Variants in FSBP observed in about 807,000 individuals in gnomAD.
FSBP encodes fibrinogen silencer binding protein.
FSBP carries 18 observed loss-of-function variants against 24.6 expected under a neutral mutation model. That is an observed-to-expected ratio of 0.73 (90% CI 0.51 to 1.08). FSBP has a LOEUF of 1.08. FSBP is among the 50% of genes least tolerant of loss of function. The pLI, the probability that FSBP is intolerant of heterozygous loss-of-function variation, is 0.00. For missense variants in FSBP, 305 were observed against 347.6 expected, an observed-to-expected ratio of 0.88 and a Z score of 0.98; for synonymous variants, 110 against 125.8, an observed-to-expected ratio of 0.87 and a Z score of 0.84.
In FSBP at chr8:94,428,619, TA is replaced by T. The variant is rs1256863321; in HGVS notation, c.*3511del. 27 of 639,416 alleles carry T rather than the reference TA, an allele frequency of 4.2e-5. No homozygotes were observed. In the Admixed American group the frequency reaches 1.7e-3, roughly 40 times the overall value. 39.6% of individuals were successfully genotyped at this position (639,416 alleles called of 1,614,324 possible). A position where few individuals can be genotyped will look rare whatever the true frequency, so the allele number is the denominator to read the frequency against. ...TCCTACCTCAGTTATACCGTCTTTT[TA>T]AATTTCGTATTACTTTTTATTGTTG... On this transcript the variant is annotated 3_prime_UTR_variant, in exon 2 of 2. Transcript: ENST00000481490.
At position 94,431,771 on chromosome 8, in the gene FSBP, C is replaced by T; in HGVS notation, c.*360G>A. ...TCCTAAATTAGACTGACTTAAAAAT[C>T]TCTAATTATAGCTTTCAAAGTTCTA... is the stretch of plus-strand genomic sequence containing the variant. On this transcript the variant is annotated 3_prime_UTR_variant, in exon 2 of 2. Coordinates refer to ENST00000481490, the MANE Select transcript of FSBP (RefSeq NM_001256141.2). 3 of 996,084 alleles carry T rather than the reference C, an allele frequency of 3.0e-6. No individual in the cohort carries two copies. Among genetic ancestry groups the T allele is most frequent in the Non-Finnish European group, 3.6e-6 (3 of 835,844 alleles). The allele number at this position is 996,084 out of a possible 1,614,324, so 61.7% of individuals were successfully genotyped here.
At chr8:94,436,250 C>T (rs1353728328) in intron 1 of FSBP, among the ~76,000 whole-genome samples, 1 of 152,092 alleles carries the variant, frequency 6.6e-6, no homozygotes, top group East Asian at 1.9e-4. Context: ...TTATTCCTCC[C>T]TAACCTTTAC....
chr8:94,430,329 T>G lies in FSBP; in HGVS notation c.*1802A>C. On this transcript the variant is annotated 3_prime_UTR_variant, in exon 2 of 2. Coordinates refer to ENST00000481490, the MANE Select transcript of FSBP (RefSeq NM_001256141.2). The stretch of plus-strand genomic sequence containing the variant: ...CCATCTCAAAAAAAAAAAAAAAAAG[T>G]ATTTAATGTAATTCATAATCTGGTA... The G allele has an allele frequency of 6.2e-6, 6 of 967,216 alleles. No individual in the cohort carries two copies. Among genetic ancestry groups the G allele is most frequent in the Non-Finnish European group, 7.4e-6 (6 of 815,472 alleles). 59.9% of individuals were successfully genotyped at this position (967,216 alleles called of 1,614,324 possible). A position where few individuals can be genotyped will look rare whatever the true frequency, so the allele number is the denominator to read the frequency against.
chr8:94,435,796 A>G (rs572674657), intron 1 of FSBP, among the ~76,000 whole-genome samples: 2 of 152,234 alleles, frequency 1.3e-5, no homozygotes, highest in South Asian at 4.1e-4. Context: ...ACTCTTTCCT[A>G]TACGACCCAA....
chr8:94,428,067 G>T lies in FSBP; in HGVS notation c.*4064C>A. ...TCTCAGGATGTCATTATAAATCACA[G>T]CTAGTTTAGAAAATCATAAGTTGTA... On this transcript the variant is annotated 3_prime_UTR_variant, in exon 2 of 2. Transcript: ENST00000481490. 1.1e-6 allele frequency: 1 copy of T among 950,008 alleles called. No homozygotes were observed. Among genetic ancestry groups the T allele is most frequent in the Non-Finnish European group, 1.3e-6 (1 of 797,798 alleles). The allele number at this position is 950,008 out of a possible 1,614,324, so 58.8% of individuals were successfully genotyped here. A position where few individuals can be genotyped will look rare whatever the true frequency, so the allele number is the denominator to read the frequency against.
chr8:94,434,184 G>GTT (rs1228201027), intron 1 of FSBP, among the ~76,000 whole-genome samples: 2 of 151,840 alleles, frequency 1.3e-5, no homozygotes, highest in Non-Finnish European at 3.0e-5. Context: ...TGAAAATTAA[G>GTT]TTTTTAAAAC....
Position 94,432,301 on chromosome 8 carries a change from G to T in FSBP, c.730C>A (p.Gln244Lys), listed in dbSNP as rs1217789532. ...TTTTTTTGATTTTCTAAAATTATCT[G>T]ATGCTCCTCTTTCAACATTTGCAGG... is the stretch of plus-strand genomic sequence containing the variant. The part of the protein sequence containing the change: ...QILQMLKEEH[Q>K]IILENQKNFG... The change falls in exon 2 of 2, where the codon CAG becomes AAG. Residue 244 changes from glutamine to lysine, a missense_variant. Physicochemically the swap from Gln to Lys is moderately conservative, Grantham distance 53 (BLOSUM62 1). Transcript: ENST00000481490. 1.9e-6 allele frequency: 3 copies of T among 1,550,102 alleles called. No individual in the cohort carries two copies. In the Admixed American group the frequency reaches 5.9e-5, roughly 30 times the overall value.
chr8:94,435,303 T>C (rs1812225784), intron 1 of FSBP, among the ~76,000 whole-genome samples: 1 of 152,118 alleles, frequency 6.6e-6, no homozygotes, highest in East Asian at 1.9e-4. Flanking sequence ...TTTTTTACTG[T>C]GCTATCAAGT....
Position 94,432,537 on chromosome 8 carries a change from G to A in FSBP, c.494C>T (p.Pro165Leu), listed in dbSNP as rs1273492251. 1.9e-6 allele frequency: 3 copies of A among 1,550,398 alleles called. No individual in the cohort carries two copies. The highest frequency in any genetic ancestry group is 3.9e-5 in the Admixed American group (2 of 50,952). Reference protein sequence around the residue: ...KQEEDIKPPPPLVLNSQQSDT... With the variant: ...KQEEDIKPPPLLVLNSQQSDT... ...ACTCTGTTGAGAATTTAAAACCAGT[G>A]GAGGAGGTGGTTTAATGTCTTCTTC... Residue 165 changes from proline to leucine, a missense_variant, in exon 2 of 2, where the codon CCA becomes CTA. Transcript: ENST00000481490.
rs1287680475 is a variant in FSBP at position 94,432,453 on chromosome 8, G to A, written c.578C>T (p.Ser193Leu). The A allele has an allele frequency of 9.0e-6, 14 of 1,550,458 alleles. No homozygotes were observed. The highest frequency in any genetic ancestry group is 1.2e-5 in the South Asian group (1 of 84,036). Residue 193 changes from serine to leucine, a missense_variant, in exon 2 of 2, where the codon TCG (serine) becomes TTG (leucine). Transcript: ENST00000481490. Reference protein sequence around the residue: ...ELVHVMERSLSPSLSSVDMRM... With the variant: ...ELVHVMERSLLPSLSSVDMRM... ...CATATCAACAGAGGAAAGTGAAGGC[G>A]ACAAGGATCTTTCCATAACATGTAC... is the stretch of plus-strand genomic sequence containing the variant.
At position 94,431,912 on chromosome 8, in the gene FSBP, G is replaced by GAAA; in HGVS notation, c.*216_*218dup. 9.1e-7 allele frequency: 1 copy of GAAA among 1,096,750 alleles called. No individual in the cohort carries two copies. Among genetic ancestry groups the GAAA allele is most frequent in the East Asian group, 3.8e-5 (1 of 26,508 alleles). The allele number at this position is 1,096,750 out of a possible 1,614,324, so 67.9% of individuals were successfully genotyped here. A position where few individuals can be genotyped will look rare whatever the true frequency, so the allele number is the denominator to read the frequency against. On this transcript the variant is annotated 3_prime_UTR_variant, in exon 2 of 2. Transcript: ENST00000481490. ...TGTAAGGTCAACAATTAAACTTAGG[G>GAAA]AAAAAAAAAAGAAGACAATAAAAAC...
chr8:94,436,724 T>C lies in FSBP; in HGVS notation c.145A>G (p.Ile49Val), dbSNP rs771132906. 1 of 1,550,760 alleles carries C rather than the reference T, an allele frequency of 6.4e-7. No homozygotes were observed. The highest frequency in any genetic ancestry group is 1.2e-5 in the South Asian group (1 of 84,054). ...CCAATTGCATTATAGTTAACTGCTA[T>C]GATATCCCAACATCTATTCTTTTCT... ...IVEKNRCWDIIAVNYNAIGVD... is the reference protein window; with the variant it reads ...IVEKNRCWDIVAVNYNAIGVD... Residue 49 changes from isoleucine to valine, a missense_variant, in exon 1 of 2, where the codon ATA becomes GTA. By Grantham distance (29) the Ile-to-Val change is conservative (BLOSUM62 3). Transcript: ENST00000481490.
intron 1 of FSBP, among the ~76,000 whole-genome samples, chr8:94,435,627 A>G (rs1408980903): frequency 6.6e-6 from 1 of 152,162 alleles, no homozygotes; most frequent in Non-Finnish European, 1.5e-5. Flanking sequence ...AATCTGAATT[A>G]GTGGCAAGAT....
Position 94,432,581 on chromosome 8 carries a change from A to G in FSBP, c.450T>C (p.Ile150=). 1.3e-6 allele frequency: 2 copies of G among 1,550,262 alleles called. No homozygotes were observed. Among genetic ancestry groups the G allele is most frequent in the Non-Finnish European group, 1.7e-6 (2 of 1,146,788 alleles). The change falls in exon 2 of 2, where the codon ATT becomes ATC. Residue 150 remains isoleucine (I), a synonymous_variant. Transcript: ENST00000481490. ...CTTCTTCTTGCTTCACCTCCACTGTAATAGCAACAGGATGGTGATCCAACA... is the reference window on the plus strand; with the variant it reads ...CTTCTTCTTGCTTCACCTCCACTGTGATAGCAACAGGATGGTGATCCAACA... The part of the protein sequence containing the change: ...QVMLDHHPVA[I]TVEVKQEEDI...
Position 94,430,584 on chromosome 8 carries a change from T to A in FSBP, c.*1547A>T. 1 of 637,230 alleles carries A rather than the reference T, an allele frequency of 1.6e-6. No homozygotes were observed. Among genetic ancestry groups the A allele is most frequent in the Non-Finnish European group, 2.0e-6 (1 of 512,480 alleles). 39.5% of individuals were successfully genotyped at this position (637,230 alleles called of 1,614,324 possible). A position where few individuals can be genotyped will look rare whatever the true frequency, so the allele number is the denominator to read the frequency against. On this transcript the variant is annotated 3_prime_UTR_variant, in exon 2 of 2. Coordinates refer to ENST00000481490, the MANE Select transcript of FSBP (RefSeq NM_001256141.2). ...ATGGATTTACATTTCTAACAAGTTC[T>A]CAAGTGATGCTGATGCTGCTGGTCA...
rs749903104 is a variant in FSBP at position 94,431,860 on chromosome 8, T to A, written c.*271A>T. 2 of 1,113,690 alleles carry A rather than the reference T, an allele frequency of 1.8e-6. No homozygotes were observed. The highest frequency in any genetic ancestry group is 2.2e-6 in the Non-Finnish European group (2 of 905,304). The allele number at this position is 1,113,690 out of a possible 1,614,324, so 69.0% of individuals were successfully genotyped here. A position where few individuals can be genotyped will look rare whatever the true frequency, so the allele number is the denominator to read the frequency against. Reference sequence around the variant, plus strand: ...GTGTTTGTATATGCATTTGTGTATATCTTAGTGATCAGAATAAAATATCTT... The same window carrying A: ...GTGTTTGTATATGCATTTGTGTATAACTTAGTGATCAGAATAAAATATCTT... On this transcript the variant is annotated 3_prime_UTR_variant, in exon 2 of 2. Transcript: ENST00000481490.
In FSBP at chr8:94,430,978, G is replaced by A. The variant is rs910244213; in HGVS notation, c.*1153C>T. The stretch of plus-strand genomic sequence containing the variant: ...CCCATTCTTTTGTCTTTTTTCCAGC[G>A]TCTCACTCTTGACTTCAAACACCCA... On this transcript the variant is annotated 3_prime_UTR_variant, in exon 2 of 2. Coordinates refer to ENST00000481490, the MANE Select transcript of FSBP (RefSeq NM_001256141.2). 45 of 984,872 alleles carry A rather than the reference G, an allele frequency of 4.6e-5. No homozygotes were observed. The African/African-American group carries it at 4.9e-4, about 11-fold the overall frequency. The allele number at this position is 984,872 out of a possible 1,614,324, so 61.0% of individuals were successfully genotyped here.
rs1812015732 is a variant in FSBP at position 94,429,020 on chromosome 8, T to C, written c.*3111A>G. ...TGGTTATACAAGGGGAGGTAGACAATGAGGAGAATTATATGCATTTAAACT... is the reference window on the plus strand; with the variant it reads ...TGGTTATACAAGGGGAGGTAGACAACGAGGAGAATTATATGCATTTAAACT... On this transcript the variant is annotated 3_prime_UTR_variant, in exon 2 of 2. Coordinates refer to ENST00000481490, the MANE Select transcript of FSBP (RefSeq NM_001256141.2). 1.0e-6 allele frequency: 1 copy of C among 983,478 alleles called. No individual in the cohort carries two copies. Among genetic ancestry groups the C allele is most frequent in the Non-Finnish European group, 1.2e-6 (1 of 828,222 alleles). The allele number at this position is 983,478 out of a possible 1,614,324, so 60.9% of individuals were successfully genotyped here.
chr8:94,433,230 CCTAA>C (rs1274073134), intron 1 of FSBP, among the ~76,000 whole-genome samples: 1 of 152,038 alleles, frequency 6.6e-6, no homozygotes, highest in Non-Finnish European at 1.5e-5. Flanking sequence ...TGGAGGTTAT[CCTAA>C]CTTTCTTATT....
Sources: allele counts gnomAD v4.1 joint callset (sites outside exome capture counted in the v4.1 genomes callset), GRCh38; gene constraint gnomAD v4.1.1; transcripts MANE v1.5; gene names NCBI Gene and HGNC (gene_info 2026-07-23, HGNC 2026-07-21).